Variants in CAPRIN2 observed in about 807,000 individuals in gnomAD.
CAPRIN2 encodes caprin-2.
Under a neutral mutation model 130.4 loss-of-function variants are expected in CAPRIN2, and 66 were observed. The ratio of observed to expected loss-of-function variants is 0.51; its 90% CI spans 0.42 to 0.62. The LOEUF (loss-of-function observed/expected upper bound fraction) is 0.62, where lower values mean the gene tolerates loss of function less well. CAPRIN2 is among the 20% of genes least tolerant of loss of function. The pLI is 0.00. For synonymous variants in CAPRIN2, 471 were observed against 444.1 expected, an observed-to-expected ratio of 1.06 and a Z score of -0.76; for missense variants, 1,185 against 1,246.6, an observed-to-expected ratio of 0.95 and a Z score of 0.74.
At chr12:30,724,480 G>A (rs776606460) in intron 9 of CAPRIN2, 29 bp from the exon 11 acceptor site, 2 of 1,422,678 alleles carry the variant, frequency 1.4e-6, no homozygotes, top group Non-Finnish European at 2.0e-6. Flanking sequence ...ATAAAGAGTG[G>A]AAACAGAGAT....
chr12:30,723,629 G>C (rs530623176), intron 10 of CAPRIN2, among the ~76,000 whole-genome samples: 2 of 151,712 alleles, frequency 1.3e-5, no homozygotes, highest in East Asian at 3.8e-4. Flanking sequence ...GTAAGACCCA[G>C]GCTACCATGT....
At chr12:30,750,654 G>C (rs1225940551) in intron 2 of CAPRIN2, among the ~76,000 whole-genome samples, 2 of 152,128 alleles carry the variant, frequency 1.3e-5, no homozygotes, top group South Asian at 2.1e-4. Flanking sequence ...GAGGCAGCTA[G>C]AGAAAACTAA....
At chr12:30,727,659 G>GT (rs1345919546) in intron 8 of CAPRIN2, among the ~76,000 whole-genome samples, 3 of 152,224 alleles carry the variant, frequency 2.0e-5, no homozygotes, top group Non-Finnish European at 4.4e-5. Context: ...ATTATTCAAT[G>GT]TAAGTGTTAT....
chr12:30,744,736 T>C (rs1196461805), intron 2 of CAPRIN2, among the ~76,000 whole-genome samples: 2 of 152,200 alleles, frequency 1.3e-5, no homozygotes, highest in African/African-American at 4.8e-5. Context: ...CCCCACTCTC[T>C]TCCCCATTAC....
intron 2 of CAPRIN2, among the ~76,000 whole-genome samples, chr12:30,748,878 T>A (rs2072156386): frequency 6.6e-6 from 1 of 152,160 alleles, no homozygotes; most frequent in Non-Finnish European, 1.5e-5. Flanking sequence ...AATACAGCAA[T>A]GAACAGACAA....
chr12:30,711,806 A>G (rs2054824891), intron 15 of CAPRIN2, 177 bp from the exon 18 acceptor site: 1 of 698,334 alleles, frequency 1.4e-6, no homozygotes, highest in Admixed American at 2.0e-5. Context: ...AGCAAGGGCA[A>G]CAGTGGCATT....
chr12:30,725,994 T>G (rs2060822138), exon 9 of CAPRIN2: 1 of 1,598,444 alleles, frequency 6.3e-7, no homozygotes, highest in South Asian at 1.1e-5. Flanking sequence ...TCCTTGAATC[T>G]GAGTCATCAG....
chr12:30,753,239 T>G, intron 1 of CAPRIN2, 105 bp downstream of exon 2: 1 of 864,404 alleles, frequency 1.2e-6, no homozygotes, highest in Non-Finnish European at 1.8e-6. Flanking sequence ...AAACCTAAGG[T>G]TAGTTAAATT....
At chr12:30,716,984 C>T (rs2057798423) in intron 12 of CAPRIN2, among the ~76,000 whole-genome samples, 1 of 152,114 alleles carries the variant, frequency 6.6e-6, no homozygotes, top group South Asian at 2.1e-4. Context: ...TCATGCATTG[C>T]CGGTGGGAAT....
intron 11 of CAPRIN2, 93 bp downstream of exon 12, chr12:30,723,166 G>C (rs2059903557): frequency 1.2e-6 from 1 of 836,562 alleles, no homozygotes; most frequent in Admixed American, 2.0e-5. Flanking sequence ...AATTTCATTA[G>C]GTACATGAGA....
chr12:30,722,600 AAT>A (rs368617102), intron 11 of CAPRIN2, among the ~76,000 whole-genome samples: 3 of 152,136 alleles, frequency 2.0e-5, no homozygotes, highest in Admixed American at 6.5e-5. Context: ...CTGCTCAACA[AAT>A]ACAGTTTGAA....
At chr12:30,725,046 A>G (rs1167325248) in intron 9 of CAPRIN2, among the ~76,000 whole-genome samples, 2 of 152,182 alleles carry the variant, frequency 1.3e-5, no homozygotes, top group Non-Finnish European at 1.5e-5. Flanking sequence ...CCTAAGTCAG[A>G]AAAGAAACTC....
chr12:30,722,827 A>G (rs531912632), intron 11 of CAPRIN2, among the ~76,000 whole-genome samples: 1 of 152,198 alleles, frequency 6.6e-6, no homozygotes, highest in East Asian at 1.9e-4. Flanking sequence ...TGAACCCGTG[A>G]GGCAGACCAG....
At chr12:30,752,101 T>C (rs942063432) in intron 1 of CAPRIN2, among the ~76,000 whole-genome samples, 3 of 151,858 alleles carry the variant, frequency 2.0e-5, no homozygotes, top group African/African-American at 4.8e-5. Flanking sequence ...TTTGTATTTT[T>C]AGTAGAGACG....
intron 3 of CAPRIN2, among the ~76,000 whole-genome samples, chr12:30,737,291 G>C (rs1233175760): frequency 6.6e-6 from 1 of 152,030 alleles, no homozygotes; most frequent in African/African-American, 2.4e-5. Context: ...ACCATCCCTG[G>C]CTATTTTTTA....
exon 16 of CAPRIN2, chr12:30,711,612 A>G: frequency 6.2e-7 from 1 of 1,613,686 alleles, no homozygotes. Context: ...CTCGCTTATA[A>G]CACTGCTGGA....
At chr12:30,750,071 C>T (rs887402156) in intron 2 of CAPRIN2, among the ~76,000 whole-genome samples, 1 of 152,092 alleles carries the variant, frequency 6.6e-6, no homozygotes, top group Non-Finnish European at 1.5e-5. Flanking sequence ...TTGAACACAC[C>T]GTGATTTTAA....
chr12:30,733,318 A>T (rs1326909001), intron 5 of CAPRIN2, among the ~76,000 whole-genome samples: 3 of 152,186 alleles, frequency 2.0e-5, no homozygotes, highest in Admixed American at 6.6e-5. Flanking sequence ...TAGAACAGGT[A>T]CTACCACACA....
At position 30,710,043 on chromosome 12, in the gene CAPRIN2, T is replaced by C. The variant is rs766120931; in HGVS notation, c.3093A>G (p.Pro1031=). ...CATGATTGCTAGCAGTTTCATGGTC[T>C]GGAGCACCATCATTGGCATAGGCTG... Residue 1031 remains proline (P), a synonymous_variant, in exon 17 of 17, where the codon CCA becomes CCG. Transcript: ENST00000298892. This position sits in a 1 kb window ranked among gnomAD's most constrained non-coding sequence, Gnocchi z 4.8. 5.0e-6 allele frequency: 8 copies of C among 1,614,208 alleles called. No individual in the cohort carries two copies. The South Asian group carries it at 6.6e-5, about 13-fold the overall frequency.
Sources: gnomAD v4.1 joint callset for allele counts (sites outside exome capture counted in the v4.1 genomes callset) on GRCh38, gnomAD v4.1.1 for gene constraint, Gnocchi (gnomAD v3.1) non-coding constraint, MANE v1.5 for transcripts, NCBI Gene and HGNC (gene_info 2026-07-23, HGNC 2026-07-21) for gene names.